Variants in NWD2 observed in about 807,000 individuals in gnomAD.
NWD2 encodes the protein NACHT and WD repeat domain containing 2.
In NWD2, 37 loss-of-function variants were observed where a neutral mutation model predicts 132.7. The ratio of observed to expected loss-of-function variants is 0.28; its 90% CI spans 0.21 to 0.37. NWD2 has a LOEUF of 0.37. Ranked by LOEUF, NWD2 falls within the 10% of genes least tolerant of loss-of-function variation. The pLI, the probability that NWD2 is intolerant of heterozygous loss-of-function variation, is 1.00. For missense variants in NWD2, 1,592 were observed against 2,122.4 expected (o/e 0.75, Z 4.91); for synonymous variants, 705 against 803.0 (o/e 0.88, Z 2.06).
Position 37,439,479 on chromosome 4 carries a change from G to A in NWD2, c.1296+89G>A, listed in dbSNP as rs1712423160. The A allele has an allele frequency of 4.3e-6, 4 of 926,952 alleles. No individual in the cohort carries two copies. Among genetic ancestry groups the A allele is most frequent in the Middle Eastern group, 2.4e-4 (1 of 4,084 alleles). The allele number at this position is 926,952 out of a possible 1,614,324, so 57.4% of individuals were successfully genotyped here. ...AATCAAATTCATTTCTACTTTCTGA[G>A]TTTACTATGTGAATTATAGTTGGTC... On this transcript the variant is annotated intron_variant, in intron 6 of 6. Coordinates refer to ENST00000309447, the MANE Select transcript of NWD2 (RefSeq NM_001144990.2). The surrounding 1 kb of genome is among the most constrained non-coding windows in gnomAD (Gnocchi z 4.5).
At chr4:37,296,319 A>C (rs868383849) in intron 1 of NWD2, among the ~76,000 whole-genome samples, 1 of 152,188 alleles carries the variant, frequency 6.6e-6, no homozygotes, top group African/African-American at 2.4e-5. Flanking sequence ...GTATTAAATA[A>C]GGTGCCTTTA....
intron 2 of NWD2, among the ~76,000 whole-genome samples, chr4:37,335,048 T>G (rs1193543851): frequency 6.6e-6 from 1 of 152,102 alleles, no homozygotes; most frequent in Non-Finnish European, 1.5e-5. Context: ...CCCAGCTGGT[T>G]CATCCTCCAC....
At chr4:37,275,994 C>G (rs144622047) in intron 1 of NWD2, among the ~76,000 whole-genome samples, 1,667 of 152,228 alleles carry the variant, frequency 0.011, 31 homozygotes, top group African/African-American at 0.038. Context: ...ACCATAAAAA[C>G]CCTAGAAGAA....
intron 3 of NWD2, among the ~76,000 whole-genome samples, chr4:37,402,894 T>C (rs1377735455): frequency 6.6e-6 from 1 of 152,208 alleles, no homozygotes; most frequent in African/African-American, 2.4e-5. Context: ...TGTACTAGTT[T>C]TTATGTTTGA....
chr4:37,358,486 A>G (rs565639211), intron 3 of NWD2, among the ~76,000 whole-genome samples: 1 of 152,234 alleles, frequency 6.6e-6, no homozygotes, highest in South Asian at 2.1e-4. Flanking sequence ...TCATTGGAGG[A>G]TAGAACTAGG....
rs1156832143 is a variant in NWD2, at chr4:37,448,240, T to G, written c.*1023T>G. The G allele has an allele frequency of 2.0e-5, 3 of 152,236 alleles. No individual in the cohort carries two copies. Among genetic ancestry groups the G allele is most frequent in the African/African-American group, 7.2e-5 (3 of 41,474 alleles). 9.4% of individuals were successfully genotyped at this position (152,236 alleles called of 1,614,324 possible). On this transcript the variant is annotated 3_prime_UTR_variant, in exon 7 of 7. Transcript: ENST00000309447. ...TTCTCTTTCCTGTGTAAAATGCAGA[T>G]AGATGACCAAATACTCTGGGATAAA...
intron 6 of NWD2, among the ~76,000 whole-genome samples, chr4:37,442,851 A>G (rs1297487525): frequency 6.6e-6 from 1 of 152,108 alleles, no homozygotes; most frequent in Non-Finnish European, 1.5e-5. Context: ...ACTTAATATA[A>G]TATGTAAATC....
chr4:37,449,229 A>G lies in NWD2; in HGVS notation c.*2012A>G, dbSNP rs1712723196. 1 of 152,246 alleles carries G rather than the reference A, an allele frequency of 6.6e-6. No homozygotes were observed. The highest frequency in any genetic ancestry group is 2.4e-5 in the African/African-American group (1 of 41,478). 9.4% of individuals were successfully genotyped at this position (152,246 alleles called of 1,614,324 possible). A position where few individuals can be genotyped will look rare whatever the true frequency, so the allele number is the denominator to read the frequency against. ...TATGTAAAAGCCAATAGAGTATACAAGTGACTTGAATGATTTTTCCTAACT... is the reference window on the plus strand; with the variant it reads ...TATGTAAAAGCCAATAGAGTATACAGGTGACTTGAATGATTTTTCCTAACT... On this transcript the variant is annotated 3_prime_UTR_variant, in exon 7 of 7. Coordinates refer to ENST00000309447, the MANE Select transcript of NWD2 (RefSeq NM_001144990.2).
intron 3 of NWD2, among the ~76,000 whole-genome samples, chr4:37,407,643 T>C (rs1180279473): frequency 6.6e-6 from 1 of 152,232 alleles, no homozygotes; most frequent in Non-Finnish European, 1.5e-5. Flanking sequence ...TTCACCTGGA[T>C]CTTAATTCAA....
chr4:37,312,674 G>A (rs1718872144), intron 1 of NWD2, among the ~76,000 whole-genome samples: 1 of 150,834 alleles, frequency 6.6e-6, no homozygotes, highest in South Asian at 2.1e-4. Context: ...ATGTTGAATA[G>A]GAGTGGTGAG....
chr4:37,263,093 C>T (rs927340693), intron 1 of NWD2, among the ~76,000 whole-genome samples: 2 of 152,152 alleles, frequency 1.3e-5, no homozygotes, highest in Non-Finnish European at 2.9e-5. Flanking sequence ...TGGCATTTTG[C>T]AGCCGCTGTG....
chr4:37,286,941 T>C (rs1348980790), intron 1 of NWD2, among the ~76,000 whole-genome samples: 1 of 152,108 alleles, frequency 6.6e-6, no homozygotes, highest in African/African-American at 2.4e-5. Flanking sequence ...ATAACTAGCG[T>C]GTGAATCCTT....
chr4:37,389,535 G>T (rs1720638939), intron 3 of NWD2, among the ~76,000 whole-genome samples: 1 of 152,128 alleles, frequency 6.6e-6, no homozygotes. Context: ...GACAATGGCT[G>T]CAGTTGACTG....
intron 3 of NWD2, among the ~76,000 whole-genome samples, chr4:37,424,530 T>C (rs1711936224): frequency 6.6e-6 from 1 of 152,156 alleles, no homozygotes; most frequent in Admixed American, 6.5e-5. Flanking sequence ...TAGAAGCTTC[T>C]AGAAAGAGAA....
chr4:37,443,729 C>G lies in NWD2; in HGVS notation c.1741C>G (p.Leu581Val). 1 of 1,552,032 alleles carries G rather than the reference C, an allele frequency of 6.4e-7. No homozygotes were observed. The highest frequency in any genetic ancestry group is 2.4e-5 in the East Asian group (1 of 40,914). The part of the protein sequence containing the change: ...PRDRKMCSQV[L>V]KHQLLRVKRK... ...AGACAGGAAGATGTGCAGCCAGGTC[C>G]TCAAACACCAGCTGCTGCGCGTCAA... The change falls in exon 7 of 7, where the codon CTC becomes GTC. Residue 581 changes from leucine to valine, a missense_variant. Around this residue, in one of 7 missense-constraint regions of NWD2, gnomAD observed 1,071 missense variants for 1,398.0 expected, o/e 0.77. Coordinates refer to ENST00000309447, the MANE Select transcript of NWD2 (RefSeq NM_001144990.2). The surrounding 1 kb of genome is among the most constrained non-coding windows in gnomAD (Gnocchi z 4.1).
intron 2 of NWD2, among the ~76,000 whole-genome samples, chr4:37,347,496 T>C (rs1719659564): frequency 6.6e-6 from 1 of 152,206 alleles, no homozygotes; most frequent in African/African-American, 2.4e-5. Context: ...ACCAATTTAA[T>C]TTATTAAAAT....
chr4:37,297,455 TC>T (rs1275146653), intron 1 of NWD2, among the ~76,000 whole-genome samples: 1 of 152,206 alleles, frequency 6.6e-6, no homozygotes, highest in Admixed American at 6.5e-5. Flanking sequence ...TATCTTCATA[TC>T]CTTTGCAGCT....
intron 2 of NWD2, among the ~76,000 whole-genome samples, chr4:37,329,623 A>T (rs1719249102): frequency 6.6e-6 from 1 of 152,224 alleles, no homozygotes; most frequent in African/African-American, 2.4e-5. Context: ...TCAAAAAAAA[A>T]AATTAGAACA....
At chr4:37,435,815 C>A (rs2109327952) in intron 5 of NWD2, among the ~76,000 whole-genome samples, 1 of 152,200 alleles carries the variant, frequency 6.6e-6, no homozygotes, top group South Asian at 2.1e-4. Flanking sequence ...GGTTATATCT[C>A]CTGAAGATAT....
Sources: gnomAD v4.1 joint callset for allele counts (sites outside exome capture counted in the v4.1 genomes callset) on GRCh38, gnomAD v4.1.1 for gene constraint, gnomAD v4.1.1 regional missense constraint, Gnocchi (gnomAD v3.1) non-coding constraint, MANE v1.5 for transcripts, NCBI Gene and HGNC (gene_info 2026-07-23, HGNC 2026-07-21) for gene names.